Variants in SCN7A observed in about 807,000 individuals in gnomAD.
SCN7A encodes sodium channel protein type 7 subunit alpha.
SCN7A carries 138 observed loss-of-function variants against 155.2 expected under a neutral mutation model. That is an observed-to-expected ratio of 0.89 (90% confidence interval 0.77 to 1.02). The LOEUF (loss-of-function observed/expected upper bound fraction) is 1.02, where lower values mean the gene tolerates loss of function less well. SCN7A is among the 50% of genes least tolerant of loss of function. SCN7A has a pLI of 0.00. For missense variants in SCN7A, 2,058 were observed against 1,986.6 expected (o/e 1.04, Z -0.68); for synonymous variants, 693 against 649.0 (o/e 1.07, Z -1.03).
intron 16 of SCN7A, among the ~76,000 whole-genome samples, chr2:166,430,676 T>A (rs1242625766): frequency 6.6e-6 from 1 of 151,878 alleles, no homozygotes; most frequent in Non-Finnish European, 1.5e-5. Context: ...ATGATATACT[T>A]CTGCATTACA....
Position 166,447,655 on chromosome 2 carries a change from T to A in SCN7A, c.1344A>T (p.Thr448=). The A allele has an allele frequency of 6.2e-7, 1 of 1,613,340 alleles. No individual in the cohort carries two copies. Among genetic ancestry groups the A allele is most frequent in the Non-Finnish European group, 8.5e-7 (1 of 1,179,478 alleles). The change falls in exon 12 of 26, where the codon ACA becomes ACT. Residue 448 remains threonine (T), a synonymous_variant. Coordinates refer to ENST00000643258, the MANE Select transcript of SCN7A (RefSeq NM_002976.4). ...TAGCATCTTCCAACACATCCAATGA[T>A]GTGTCTGTGGAAATTGGTGACCTTT... ...MKKRSPISTD[T]SLDVLEDATL... is the part of the protein sequence containing the mutation.
In SCN7A at chr2:166,408,654, C is replaced by T. The variant is rs773926666; in HGVS notation, c.3982+1011G>A. Among the ~76,000 whole-genome samples, 65 of 151,836 alleles carry T rather than the reference C, an allele frequency of 4.3e-4. 1 individual carries two copies. The highest frequency in any genetic ancestry group is 1.4e-3 in the African/African-American group (59 of 41,330). On this transcript the variant is annotated intron_variant, in intron 25 of 25. Transcript: ENST00000643258. ...GCTTCTTCTTTTCTGAAGCTTCTTA[C>T]GGTTTTTTTCAGTAGTTAGTTGCAT...
chr2:166,491,070 C>A (rs1345475835), intron 1 of SCN7A, among the ~76,000 whole-genome samples: 1 of 152,150 alleles, frequency 6.6e-6, no homozygotes, highest in Admixed American at 6.6e-5. Flanking sequence ...AGAGAGTGAG[C>A]AGCTGGTGGA....
intron 7 of SCN7A, among the ~76,000 whole-genome samples, chr2:166,467,500 T>C (rs796572333): frequency 1.8e-3 from 274 of 148,194 alleles, no homozygotes; most frequent in Non-Finnish European, 3.2e-3. Flanking sequence ...TATATATATA[T>C]ACACACACAC....
At chr2:166,460,602 A>C (rs764549866) in intron 10 of SCN7A, among the ~76,000 whole-genome samples, 5 of 152,080 alleles carry the variant, frequency 3.3e-5, no homozygotes, top group Non-Finnish European at 5.9e-5. Flanking sequence ...CTTGGGGAAA[A>C]GCTCAAGGAA....
intron 15 of SCN7A, among the ~76,000 whole-genome samples, chr2:166,435,804 T>C (rs1484358052): frequency 6.6e-6 from 1 of 152,168 alleles, no homozygotes; most frequent in Non-Finnish European, 1.5e-5. Context: ...TTTATTTTCA[T>C]GTTTCTATCC....
At chr2:166,446,342 A>G (rs1702062096) in intron 12 of SCN7A, among the ~76,000 whole-genome samples, 1 of 152,230 alleles carries the variant, frequency 6.6e-6, no homozygotes, top group South Asian at 2.1e-4. Context: ...GCCTGTTAGA[A>G]TTGTGCTCAT....
In SCN7A at chr2:166,465,881, C is replaced by A. The variant is rs1442960877; in HGVS notation, c.771G>T (p.Gly257=). 1 of 1,613,672 alleles carries A rather than the reference C, an allele frequency of 6.2e-7. No homozygotes were observed. Among genetic ancestry groups the A allele is most frequent in the Non-Finnish European group, 8.5e-7 (1 of 1,179,796 alleles). Residue 257 remains glycine (G), a synonymous_variant, in exon 8 of 26, where the codon GGG becomes GGT. Coordinates refer to ENST00000643258, the MANE Select transcript of SCN7A (RefSeq NM_002976.4). Reference sequence around the variant, plus strand: ...TATGTTTCAAGTTGCCCATGAAGAGCCCCATCCCAATTAGAGAAAATATGC... The same window carrying A: ...TATGTTTCAAGTTGCCCATGAAGAGACCCATCCCAATTAGAGAAAATATGC... The part of the protein sequence containing the change: ...FLSIFSLIGM[G]LFMGNLKHKC...
chr2:166,429,645 G>A (rs865954101), intron 16 of SCN7A, among the ~76,000 whole-genome samples: 3 of 152,028 alleles, frequency 2.0e-5, no homozygotes, highest in Non-Finnish European at 4.4e-5. Flanking sequence ...TCAATTAGAT[G>A]AGTAGAATCA....
At chr2:166,434,434 T>A (rs1405732516) in intron 15 of SCN7A, among the ~76,000 whole-genome samples, 3 of 152,170 alleles carry the variant, frequency 2.0e-5, no homozygotes, top group African/African-American at 7.2e-5. Context: ...ATATCTTTTA[T>A]AATCCACAAT....
At chr2:166,437,687 G>A (rs1363116895) in intron 15 of SCN7A, among the ~76,000 whole-genome samples, 1 of 152,204 alleles carries the variant, frequency 6.6e-6, no homozygotes, top group Non-Finnish European at 1.5e-5. Context: ...CCAAGGCCAT[G>A]GGAACCCACC....
intron 15 of SCN7A, among the ~76,000 whole-genome samples, chr2:166,439,662 T>A (rs1701914613): frequency 6.6e-6 from 1 of 152,222 alleles, no homozygotes; most frequent in South Asian, 2.1e-4. Context: ...TGGTGTTTTT[T>A]ATCACTGGGA....
intron 2 of SCN7A, among the ~76,000 whole-genome samples, chr2:166,486,421 T>C (rs938096731): frequency 2.0e-5 from 3 of 152,324 alleles, no homozygotes; most frequent in East Asian, 1.9e-4. Flanking sequence ...CCCTGGAAGG[T>C]TGACCAGATA....
At chr2:166,444,674 T>A in intron 13 of SCN7A, 88 bp downstream of exon 13, 1 of 751,946 alleles carries the variant, frequency 1.3e-6, no homozygotes, top group Non-Finnish European at 2.2e-6. Flanking sequence ...AGTTACAGAA[T>A]AAAATAATGG....
chr2:166,454,464 T>C (rs1702236223), intron 11 of SCN7A, among the ~76,000 whole-genome samples: 1 of 152,206 alleles, frequency 6.6e-6, no homozygotes, highest in South Asian at 2.1e-4. Context: ...CACCTTTTGG[T>C]ACAATAGCTT....
At chr2:166,493,180 C>T (rs925381686) in intron 1 of SCN7A, among the ~76,000 whole-genome samples, 3 of 152,116 alleles carry the variant, frequency 2.0e-5, no homozygotes, top group Non-Finnish European at 2.9e-5. Context: ...GGTAAAGTAT[C>T]CACAAGAAGC....
intron 18 of SCN7A, among the ~76,000 whole-genome samples, chr2:166,423,797 C>T (rs1701563321): frequency 6.6e-6 from 1 of 152,044 alleles, no homozygotes. Context: ...ATATGTAATT[C>T]CAGGTAGCCA....
At chr2:166,417,448 G>C (rs535454926) in intron 20 of SCN7A, among the ~76,000 whole-genome samples, 33 of 151,968 alleles carry the variant, frequency 2.2e-4, no homozygotes, top group Non-Finnish European at 3.7e-4. Context: ...ACTCCAGCAT[G>C]GGCAACAGAC....
chr2:166,484,244 T>G (rs148106448), intron 2 of SCN7A, among the ~76,000 whole-genome samples: 1 of 151,892 alleles, frequency 6.6e-6, no homozygotes, highest in African/African-American at 2.4e-5. Context: ...AAAGATGTCT[T>G]TTATTTTTTG....
Sources: allele counts gnomAD v4.1 joint callset (sites outside exome capture counted in the v4.1 genomes callset), GRCh38; gene constraint gnomAD v4.1.1; transcripts MANE v1.5; gene names NCBI Gene and HGNC (gene_info 2026-07-23, HGNC 2026-07-21).